Variants in ATP8A2 observed in about 807,000 individuals in gnomAD.
ATP8A2 encodes ATPase phospholipid transporting 8A2.
In ATP8A2, 100 loss-of-function variants were observed where a neutral mutation model predicts 165.6. The observed-to-expected ratio is 0.60, with a 90% confidence interval of 0.51 to 0.71. The LOEUF is 0.71. Among genes scored for constraint, ATP8A2 ranks in the 30% least tolerant of loss-of-function variants. The pLI, the probability that ATP8A2 is intolerant of heterozygous loss-of-function variation, is 0.00. For missense variants in ATP8A2, 1,227 were observed against 1,479.5 expected (o/e 0.83, Z 2.80); for synonymous variants, 543 against 548.8 (o/e 0.99, Z 0.15).
At chr13:26,010,489 G>A (rs1956823633) in intron 35 of ATP8A2, among the ~76,000 whole-genome samples, 2 of 152,254 alleles carry the variant, frequency 1.3e-5, no homozygotes, top group Admixed American at 6.5e-5. Flanking sequence ...GCCAGGCAGG[G>A]TGAGGGGCCC....
At chr13:25,686,810 T>A (rs1324303082) in intron 24 of ATP8A2, among the ~76,000 whole-genome samples, 1 of 151,886 alleles carries the variant, frequency 6.6e-6, no homozygotes, top group African/African-American at 2.4e-5. Context: ...ATGCCCAGGA[T>A]TCTGATGGAA....
intron 35 of ATP8A2, among the ~76,000 whole-genome samples, chr13:25,976,636 A>C (rs1013333178): frequency 2.0e-5 from 3 of 152,068 alleles, no homozygotes; most frequent in East Asian, 3.9e-4. Flanking sequence ...TTGTAGTTGC[A>C]TGTTGTTGTC....
In ATP8A2 at chr13:25,503,169, T is replaced by G. The variant is rs149936065; in HGVS notation, c.222-26830T>G. Among the ~76,000 whole-genome samples, 824 of 152,272 alleles carry G rather than the reference T, an allele frequency of 5.4e-3. 4 individuals carry two copies. Among genetic ancestry groups the G allele is most frequent in the Non-Finnish European group, 9.6e-3 (652 of 68,024 alleles). ...GCTTCACTCCTCACCCCTCACTGTA[T>G]AGTTCAAACAGGGACTTACGCAAAG... is the stretch of plus-strand genomic sequence containing the variant. On this transcript the variant is annotated intron_variant, in intron 2 of 36. Coordinates refer to ENST00000381655, the MANE Select transcript of ATP8A2 (RefSeq NM_016529.6).
At chr13:25,731,652 G>A (rs566090526) in intron 25 of ATP8A2, among the ~76,000 whole-genome samples, 1 of 152,324 alleles carries the variant, frequency 6.6e-6, no homozygotes, top group Admixed American at 6.5e-5. Flanking sequence ...GAATGTGCCT[G>A]TTGATGTAAT....
intron 27 of ATP8A2, among the ~76,000 whole-genome samples, chr13:25,808,395 CT>C (rs1229926019): frequency 2.6e-5 from 4 of 151,802 alleles, no homozygotes; most frequent in African/African-American, 9.7e-5. Context: ...GGTCAGGAGT[CT>C]GAGACCAGCC....
intron 24 of ATP8A2, among the ~76,000 whole-genome samples, chr13:25,599,214 C>CA (rs1258951836): frequency 8.5e-5 from 13 of 152,214 alleles, no homozygotes; most frequent in Admixed American, 2.6e-4. Flanking sequence ...AGCTCTTTCT[C>CA]TGTGCAGTTC....
intron 25 of ATP8A2, among the ~76,000 whole-genome samples, chr13:25,721,473 G>A (rs549918890): frequency 6.6e-6 from 1 of 152,270 alleles, no homozygotes; most frequent in South Asian, 2.1e-4. Flanking sequence ...TCTTCCAGCA[G>A]TTTCACAGTT....
chr13:25,494,622 C>T (rs772061816), intron 2 of ATP8A2, among the ~76,000 whole-genome samples: 5 of 152,130 alleles, frequency 3.3e-5, no homozygotes, highest in African/African-American at 9.7e-5. Flanking sequence ...ATTTTAGAAG[C>T]GCGTTGCTGT....
At chr13:25,815,051 C>T (rs1367488397) in intron 27 of ATP8A2, among the ~76,000 whole-genome samples, 2 of 151,540 alleles carry the variant, frequency 1.3e-5, no homozygotes, top group Non-Finnish European at 2.9e-5. Flanking sequence ...AAAAAATTAA[C>T]TCCAAATGAA....
intron 28 of ATP8A2, among the ~76,000 whole-genome samples, chr13:25,830,635 T>C (rs1365442440): frequency 1.3e-5 from 2 of 152,150 alleles, no homozygotes. Flanking sequence ...ATAAAATAAA[T>C]AGAAATATAG....
chr13:25,503,168 A>G (rs1346920241), intron 2 of ATP8A2, among the ~76,000 whole-genome samples: 1 of 152,182 alleles, frequency 6.6e-6, no homozygotes, highest in African/African-American at 2.4e-5. Context: ...CCCTCACTGT[A>G]TAGTTCAAAC....
intron 33 of ATP8A2, among the ~76,000 whole-genome samples, chr13:25,893,002 G>A (rs1953424782): frequency 1.3e-5 from 2 of 151,908 alleles, no homozygotes; most frequent in South Asian, 4.2e-4. Flanking sequence ...AAATGTTGTT[G>A]TAGCGTAAGT....
chr13:25,491,041 T>C (rs1188883607), intron 2 of ATP8A2, among the ~76,000 whole-genome samples: 1 of 152,082 alleles, frequency 6.6e-6, no homozygotes, highest in East Asian at 1.9e-4. Flanking sequence ...CTGGCTACTT[T>C]TAAAGATTTC....
chr13:25,835,783 C>T lies in ATP8A2; in HGVS notation c.2755-1380C>T, dbSNP rs1289617483. On this transcript the variant is annotated intron_variant, in intron 28 of 36. Coordinates refer to ENST00000381655, the MANE Select transcript of ATP8A2 (RefSeq NM_016529.6). The stretch of plus-strand genomic sequence containing the variant: ...CCATCTGCCCAAGAACTCATTGTCA[C>T]TGGAGATTGTTTGGTCTGGTCTCCT... Among the ~76,000 whole-genome samples the T allele has an allele frequency of 1.3e-5, 2 of 152,314 alleles. 1 individual carries two copies.
At chr13:25,531,753 C>T (rs956863387) in intron 4 of ATP8A2, among the ~76,000 whole-genome samples, 1 of 152,050 alleles carries the variant, frequency 6.6e-6, no homozygotes, top group Non-Finnish European at 1.5e-5. Flanking sequence ...TATGAAGTTA[C>T]CTTCAGGTTA....
chr13:25,557,908 T>A (rs184499094), intron 13 of ATP8A2, among the ~76,000 whole-genome samples: 1,602 of 144,998 alleles, frequency 0.011, 23 homozygotes, highest in Admixed American at 0.046. Context: ...TCATTAAAAA[T>A]TTTTTTTTTT....
chr13:25,789,180 GA>G (rs2045104386), intron 27 of ATP8A2, among the ~76,000 whole-genome samples: 1 of 152,048 alleles, frequency 6.6e-6, no homozygotes, highest in Non-Finnish European at 1.5e-5. Context: ...ATTATGCTTG[GA>G]ATTAAGTTAA....
At chr13:25,553,079 C>T (rs1311842284) in intron 11 of ATP8A2, among the ~76,000 whole-genome samples, 4 of 151,964 alleles carry the variant, frequency 2.6e-5, no homozygotes, top group African/African-American at 9.7e-5. Context: ...GCAACCTTCT[C>T]CTTAAGCCTC....
intron 16 of ATP8A2, chr13:25,567,316 C>T (rs765087278): frequency 7.2e-5 from 33 of 456,616 alleles, no homozygotes; most frequent in South Asian, 5.0e-4. Flanking sequence ...ATTGCCTTCC[C>T]CTACCCACTG....
Sources: allele counts gnomAD v4.1 joint callset (sites outside exome capture counted in the v4.1 genomes callset), GRCh38; gene constraint gnomAD v4.1.1; transcripts MANE v1.5; gene names NCBI Gene and HGNC (gene_info 2026-07-23, HGNC 2026-07-21).